The following CRTAC1 variants were observed in gnomAD, a reference collection of about 807,000 sequenced individuals.
CRTAC1 encodes acidic secreted protein in cartilage.
A neutral mutation model predicts 67.8 loss-of-function variants in CRTAC1; 37 were observed. The observed-to-expected ratio is 0.55, with a 90% confidence interval of 0.42 to 0.72. The LOEUF is 0.72. Ranked by LOEUF, CRTAC1 falls within the 30% of genes least tolerant of loss-of-function variation. CRTAC1 has a pLI of 0.00. For missense variants in CRTAC1, 780 were observed against 931.6 expected (o/e 0.84, Z 2.12); for synonymous variants, 348 against 371.0 (o/e 0.94, Z 0.71).
intron 8 of CRTAC1, among the ~76,000 whole-genome samples, chr10:97,899,189 C>T (rs920347071): frequency 1.3e-5 from 2 of 152,352 alleles, no homozygotes; most frequent in Admixed American, 6.5e-5. Flanking sequence ...CAGCCCCTCT[C>T]GCTGTCCTCT....
rs537728007 is a variant in CRTAC1 at position 98,009,734 on chromosome 10, T to A, written c.224+1404A>T. The stretch of plus-strand genomic sequence containing the variant: ...CCAAAAAAGCTCAGGCCTCCCAGAA[T>A]GAGGTCGACAGGCCCCTGTAGTGTT... On this transcript the variant is annotated intron_variant, in intron 2 of 14. Coordinates refer to ENST00000370597, the MANE Select transcript of CRTAC1 (RefSeq NM_018058.7). Among the ~76,000 whole-genome samples, 3 of 152,352 alleles carry A rather than the reference T, an allele frequency of 2.0e-5. No individual in the cohort carries two copies. The East Asian group carries it at 5.8e-4, about 29-fold the overall frequency.
chr10:97,884,365 G>A lies in CRTAC1; in HGVS notation c.1487-14C>T, dbSNP rs1238160909. Reference sequence around the variant, plus strand: ...CTTCATCCTTCCCTGAGGGGCAGAAGGAGAGAGCATCAGCAGCAGAGGAGA... The same window carrying A: ...CTTCATCCTTCCCTGAGGGGCAGAAAGAGAGAGCATCAGCAGCAGAGGAGA... On this transcript the variant is annotated splice_polypyrimidine_tract_variant and intron_variant, in intron 11 of 14. Transcript: ENST00000370597. 6.4e-7 allele frequency: 1 copy of A among 1,550,578 alleles called. No individual in the cohort carries two copies.
Position 97,884,244 on chromosome 10 carries a change from G to A in CRTAC1, c.1594C>T (p.Arg532Trp), listed in dbSNP as rs771392005. 4.9e-5 allele frequency: 76 copies of A among 1,566,982 alleles called. No individual in the cohort carries two copies. The highest frequency in any genetic ancestry group is 1.8e-4 in the South Asian group (15 of 85,300). The change falls in exon 12 of 15, where the codon CGG (arginine) becomes TGG (tryptophan). Residue 532 changes from arginine to tryptophan, a missense_variant. Transcript: ENST00000370597. ...MNSVLEILYP[R>W]DEDTLQDPAP... The stretch of plus-strand genomic sequence containing the variant: ...GGGTCCTGAAGTGTGTCCTCATCCC[G>A]GGGGTAGAGGATCTCCAGCACTGAG...
intron 11 of CRTAC1, among the ~76,000 whole-genome samples, chr10:97,894,753 T>TAC (rs2050430151): frequency 1.5e-5 from 1 of 66,946 alleles, no homozygotes; most frequent in Non-Finnish European, 3.1e-5. Flanking sequence ...TATATATATA[T>TAC]ATATATATAT....
At chr10:97,959,529 T>C (rs939147358) in intron 2 of CRTAC1, among the ~76,000 whole-genome samples, 6 of 152,194 alleles carry the variant, frequency 3.9e-5, no homozygotes, top group Non-Finnish European at 7.4e-5. Flanking sequence ...CCCTGAGTTT[T>C]GGGTTGGATG....
chr10:97,979,236 T>C (rs1480188316), intron 2 of CRTAC1, among the ~76,000 whole-genome samples: 1 of 152,148 alleles, frequency 6.6e-6, no homozygotes, highest in Non-Finnish European at 1.5e-5. Flanking sequence ...GCGTGGTCCT[T>C]GAAGGGTGGT....
intron 2 of CRTAC1, among the ~76,000 whole-genome samples, chr10:97,937,856 C>T (rs1427159557): frequency 1.3e-5 from 2 of 152,230 alleles, no homozygotes; most frequent in African/African-American, 4.8e-5. Context: ...TCCTGTGTTT[C>T]AGCCTGAATG....
intron 11 of CRTAC1, among the ~76,000 whole-genome samples, chr10:97,892,243 C>T (rs1339921619): frequency 6.6e-6 from 1 of 152,202 alleles, no homozygotes; most frequent in African/African-American, 2.4e-5. Flanking sequence ...CCAAGTGAGG[C>T]CCCTAATACA....
At chr10:97,973,265 A>G (rs1418572880) in intron 2 of CRTAC1, among the ~76,000 whole-genome samples, 14 of 152,196 alleles carry the variant, frequency 9.2e-5, no homozygotes, top group Non-Finnish European at 5.9e-5. Flanking sequence ...GTGCCCTCTG[A>G]GGCCGGCTTC....
At chr10:97,881,217 C>T (rs144794405) in intron 13 of CRTAC1, among the ~76,000 whole-genome samples, 35 of 152,314 alleles carry the variant, frequency 2.3e-4, no homozygotes, top group Middle Eastern at 3.4e-3. Context: ...CCTACAGGGG[C>T]CTCATGGACT....
chr10:97,881,052 T>A (rs1482642934), intron 13 of CRTAC1, among the ~76,000 whole-genome samples: 1 of 152,176 alleles, frequency 6.6e-6, no homozygotes. Flanking sequence ...TTGCCTGGAT[T>A]TCTGCAGCTG....
rs373787490 is a variant in CRTAC1 at position 98,030,068 on chromosome 10, C to A, written c.24+381G>T. 2.8e-4 allele frequency among the ~76,000 whole-genome samples: 42 copies of A among 152,214 alleles called. No individual in the cohort carries two copies. Among genetic ancestry groups the A allele is most frequent in the African/African-American group, 1.0e-3 (42 of 41,560 alleles). On this transcript the variant is annotated intron_variant, in intron 1 of 14. Transcript: ENST00000370597. This position sits in a 1 kb window ranked among gnomAD's most constrained non-coding sequence, Gnocchi z 4.2. Reference sequence around the variant, plus strand: ...AGCCTGGCTGACTGGGAGACTCTCCCGATAGCCCGGCACATCCCTCCTCAC... The same window carrying A: ...AGCCTGGCTGACTGGGAGACTCTCCAGATAGCCCGGCACATCCCTCCTCAC...
intron 2 of CRTAC1, among the ~76,000 whole-genome samples, chr10:97,996,430 AACAGAC>A (rs1372913428): frequency 6.6e-6 from 1 of 152,100 alleles, no homozygotes; most frequent in Non-Finnish European, 1.5e-5. Flanking sequence ...AAAGGACGTG[AACAGAC>A]ACTTCTCAAA....
In CRTAC1 at chr10:98,030,491, G is replaced by C. The variant is rs1235226208; in HGVS notation, c.-19C>G. The C allele has an allele frequency of 1.0e-5, 13 of 1,244,884 alleles. No homozygotes were observed. In the East Asian group the frequency reaches 2.8e-4, roughly 27 times the overall value. The allele number at this position is 1,244,884 out of a possible 1,614,324, so 77.1% of individuals were successfully genotyped here. ...GAGCCATCCTCCCGCTCTCGGCCCC[G>C]CCGCCTAGGGGCGTGGGAAGCGGGC... On this transcript the variant is annotated 5_prime_UTR_variant, in exon 1 of 15. Transcript: ENST00000370597. This position sits in a 1 kb window ranked among gnomAD's most constrained non-coding sequence, Gnocchi z 4.2.
rs547392150 is a variant in CRTAC1, at chr10:97,940,635, C to T, written c.225-4269G>A. Among the ~76,000 whole-genome samples the T allele has an allele frequency of 1.2e-3, 186 of 152,302 alleles. 1 individual carries two copies. The highest frequency in any genetic ancestry group is 4.1e-3 in the African/African-American group (171 of 41,568). On this transcript the variant is annotated intron_variant, in intron 2 of 14. Coordinates refer to ENST00000370597, the MANE Select transcript of CRTAC1 (RefSeq NM_018058.7). ...AGCACCACTGTGGGGAGGGCAGGGG[C>T]CTGGGGTTTGCCGAGAGCAGCCTGG...
At chr10:97,901,183 T>C (rs1346065236) in intron 8 of CRTAC1, among the ~76,000 whole-genome samples, 1 of 152,200 alleles carries the variant, frequency 6.6e-6, no homozygotes. Context: ...TTGGACCCTG[T>C]AGCCCCTTTT....
At chr10:97,940,714 G>A (rs1029011586) in intron 2 of CRTAC1, among the ~76,000 whole-genome samples, 26 of 152,342 alleles carry the variant, frequency 1.7e-4, no homozygotes, top group African/African-American at 5.8e-4. Flanking sequence ...TTGTCCCTCG[G>A]TTCCTCTAAG....
At chr10:97,872,929 G>A (rs943240269) in intron 14 of CRTAC1, among the ~76,000 whole-genome samples, 1 of 152,184 alleles carries the variant, frequency 6.6e-6, no homozygotes, top group Non-Finnish European at 1.5e-5. Flanking sequence ...TATTGCCCCA[G>A]CTAATGGCTT....
intron 5 of CRTAC1, among the ~76,000 whole-genome samples, chr10:97,911,471 T>C (rs1274044314): frequency 6.6e-6 from 1 of 152,204 alleles, no homozygotes; most frequent in African/African-American, 2.4e-5. Flanking sequence ...ACAGAGATGT[T>C]ACCCACACCT....
Sources: gnomAD v4.1 joint callset for allele counts (sites outside exome capture counted in the v4.1 genomes callset) on GRCh38, gnomAD v4.1.1 for gene constraint, Gnocchi (gnomAD v3.1) non-coding constraint, MANE v1.5 for transcripts, NCBI Gene and HGNC (gene_info 2026-07-23, HGNC 2026-07-21) for gene names.